UBE2H: variants seen among roughly 807,000 people sequenced by gnomAD.
UBE2H encodes the protein ubiquitin conjugating enzyme E2 H, also known as ubiquitin-conjugating enzyme E2 H.
UBE2H carries 3 observed loss-of-function variants against 29.0 expected under a neutral mutation model. The observed-to-expected ratio is 0.10, with a 90% confidence interval of 0.05 to 0.27. UBE2H has a LOEUF of 0.27. Ranked by LOEUF, UBE2H falls within the 10% of genes least tolerant of loss-of-function variation. The pLI, the probability that UBE2H is intolerant of heterozygous loss-of-function variation, is 1.00. For missense variants in UBE2H, 68 were observed against 228.2 expected, an observed-to-expected ratio of 0.30 and a Z score of 4.52; for synonymous variants, 69 against 82.9, an observed-to-expected ratio of 0.83 and a Z score of 0.91.
At chr7:129,923,219 T>G (rs1030076487) in intron 1 of UBE2H, among the ~76,000 whole-genome samples, 3 of 152,148 alleles carry the variant, frequency 2.0e-5, no homozygotes, top group African/African-American at 7.2e-5. Flanking sequence ...AATATTGCCA[T>G]TATTATGCAA....
At chr7:129,870,378 G>A (rs1424023259) in intron 3 of UBE2H, among the ~76,000 whole-genome samples, 1 of 152,184 alleles carries the variant, frequency 6.6e-6, no homozygotes, top group Non-Finnish European at 1.5e-5. Flanking sequence ...CACATTGGGA[G>A]GCCAATGTGG....
chr7:129,892,639 A>G (rs935309035), intron 1 of UBE2H, among the ~76,000 whole-genome samples: 2 of 152,196 alleles, frequency 1.3e-5, no homozygotes. Flanking sequence ...CTTAGGAACA[A>G]ATAAGGAATA....
At chr7:129,934,280 C>T (rs1807469936) in intron 1 of UBE2H, among the ~76,000 whole-genome samples, 1 of 151,626 alleles carries the variant, frequency 6.6e-6, no homozygotes, top group African/African-American at 2.4e-5. Context: ...CGAGAAAGCA[C>T]CACTGCACTC....
chr7:129,882,299 T>A (rs967942564), intron 1 of UBE2H, among the ~76,000 whole-genome samples: 6 of 152,204 alleles, frequency 3.9e-5, no homozygotes, highest in Non-Finnish European at 8.8e-5. Context: ...CACTGTAACA[T>A]TAAAAAGGAA....
chr7:129,840,881 G>A (rs901984352), intron 5 of UBE2H, among the ~76,000 whole-genome samples: 3 of 152,180 alleles, frequency 2.0e-5, no homozygotes, highest in African/African-American at 7.2e-5. Context: ...GCTTTGCCAA[G>A]CCACATTGCT....
chr7:129,935,206 C>G (rs953117858), intron 1 of UBE2H, among the ~76,000 whole-genome samples: 1 of 151,364 alleles, frequency 6.6e-6, no homozygotes, highest in African/African-American at 2.4e-5. Context: ...GGGCAGATCA[C>G]GAGGTCAGGA....
At chr7:129,899,685 T>A (rs1806669965) in intron 1 of UBE2H, among the ~76,000 whole-genome samples, 1 of 152,144 alleles carries the variant, frequency 6.6e-6, no homozygotes, top group Non-Finnish European at 1.5e-5. Flanking sequence ...TCACCTAACG[T>A]GTGAGACAGG....
At chr7:129,921,281 C>G (rs1006455294) in intron 1 of UBE2H, among the ~76,000 whole-genome samples, 1 of 152,152 alleles carries the variant, frequency 6.6e-6, no homozygotes, top group South Asian at 2.1e-4. Context: ...GAGACAGGGT[C>G]TCACTCTGTC....
intron 5 of UBE2H, among the ~76,000 whole-genome samples, chr7:129,851,440 T>G (rs1476217892): frequency 6.6e-6 from 1 of 152,202 alleles, no homozygotes; most frequent in Non-Finnish European, 1.5e-5. Context: ...AAGCTTGTAA[T>G]TACTAGACAA....
In UBE2H at chr7:129,857,425, A is replaced by G. The variant is rs553133065; in HGVS notation, c.298+86T>C. 7.7e-6 allele frequency: 11 copies of G among 1,436,418 alleles called. No individual in the cohort carries two copies. In the African/African-American group the frequency reaches 1.3e-4, roughly 17 times the overall value. 89.0% of individuals were successfully genotyped at this position (1,436,418 alleles called of 1,614,324 possible). A position where few individuals can be genotyped will look rare whatever the true frequency, so the allele number is the denominator to read the frequency against. On this transcript the variant is annotated intron_variant, in intron 5 of 6. Coordinates refer to ENST00000355621, the MANE Select transcript of UBE2H (RefSeq NM_003344.4). ...AATCCCTTCCCATTACCAACAAAAC[A>G]TCTTAAACCAGAAAAGAAAAGCCAA...
At chr7:129,854,060 G>GGTTTTTTTTTTTTTTTTTTTTTT (rs1554430936) in intron 5 of UBE2H, among the ~76,000 whole-genome samples, 45 of 100,250 alleles carry the variant, frequency 4.5e-4, no homozygotes, top group Middle Eastern at 5.3e-3. Flanking sequence ...TTTAGTGTTA[G>GGTTTTTTTTTTTTTTTTTTTTTT]TTTTTTTTTT....
Position 129,857,359 on chromosome 7 carries a change from AT to A in UBE2H, c.298+151del, listed in dbSNP as rs912596512. 1.4e-5 allele frequency: 10 copies of A among 709,972 alleles called. No individual in the cohort carries two copies. In the African/African-American group the frequency reaches 1.5e-4, roughly 10 times the overall value. The allele number at this position is 709,972 out of a possible 1,614,324, so 44.0% of individuals were successfully genotyped here. On this transcript the variant is annotated intron_variant, in intron 5 of 6. Transcript: ENST00000355621. ...GATATATTTGTACTTAAGAGAAAAC[AT>A]TTTTTCCACTGATCAAACTTTCCCA...
At chr7:129,881,962 A>AT (rs543973092) in intron 1 of UBE2H, among the ~76,000 whole-genome samples, 37 of 152,132 alleles carry the variant, frequency 2.4e-4, no homozygotes, top group Middle Eastern at 3.4e-3. Flanking sequence ...ACAAAAAAAA[A>AT]TTTTTTCAGA....
intron 3 of UBE2H, among the ~76,000 whole-genome samples, chr7:129,871,107 C>T (rs1328033080): frequency 6.6e-6 from 1 of 152,102 alleles, no homozygotes; most frequent in Non-Finnish European, 1.5e-5. Flanking sequence ...TTAAATTTTG[C>T]TTTATCTTCG....
intron 1 of UBE2H, among the ~76,000 whole-genome samples, chr7:129,937,096 G>A (rs1265118084): frequency 6.6e-6 from 1 of 152,156 alleles, no homozygotes; most frequent in Non-Finnish European, 1.5e-5. Context: ...CTGGGAGGCT[G>A]AGGCGGATGG....
chr7:129,874,476 A>G (rs1170690266), intron 3 of UBE2H, among the ~76,000 whole-genome samples: 1 of 151,690 alleles, frequency 6.6e-6, no homozygotes, highest in Non-Finnish European at 1.5e-5. Context: ...CGCCCAGCTA[A>G]TTTTTTGTAT....
chr7:129,868,566 G>A (rs1288605408), intron 3 of UBE2H, among the ~76,000 whole-genome samples: 4 of 120,450 alleles, frequency 3.3e-5, no homozygotes, highest in Admixed American at 2.1e-4. Context: ...CGGCCTGGGC[G>A]ACAGAGCGAG....
chr7:129,951,413 G>A (rs1807872887), intron 1 of UBE2H: 1 of 151,632 alleles, frequency 6.6e-6, no homozygotes, highest in Non-Finnish European at 1.5e-5. Context: ...CACCCTCTAA[G>A]CCCCCACTTG....
intron 1 of UBE2H, among the ~76,000 whole-genome samples, chr7:129,906,425 G>C (rs56034137): frequency 1.3e-5 from 2 of 151,852 alleles, no homozygotes; most frequent in African/African-American, 4.8e-5. Flanking sequence ...GGCTGGTCTC[G>C]AACTCCTGGC....
Sources: gnomAD v4.1 joint callset for allele counts (sites outside exome capture counted in the v4.1 genomes callset) on GRCh38, gnomAD v4.1.1 for gene constraint, MANE v1.5 for transcripts, NCBI Gene and HGNC (gene_info 2026-07-23, HGNC 2026-07-21) for gene names.